Variants in PAQR8 observed in about 807,000 individuals in gnomAD.
PAQR8 encodes membrane progestin receptor beta.
PAQR8 carries 17 observed loss-of-function variants against 25.2 expected under a neutral mutation model. That is an observed-to-expected ratio of 0.67 (90% CI 0.46 to 1.01). The LOEUF is 1.01. Ranked by LOEUF, PAQR8 falls within the 50% of genes least tolerant of loss-of-function variation. The pLI is 0.00. For missense variants in PAQR8, 392 were observed against 448.4 expected (o/e 0.87, Z 1.14); for synonymous variants, 204 against 190.6 (o/e 1.07, Z -0.58).
intron 1 of PAQR8, among the ~76,000 whole-genome samples, chr6:52,401,759 C>T (rs1763832835): frequency 6.6e-6 from 1 of 152,096 alleles, no homozygotes; most frequent in Admixed American, 6.5e-5. Context: ...CAGTTGCTCA[C>T]CTCATATTTT....
intron 1 of PAQR8, among the ~76,000 whole-genome samples, chr6:52,381,008 A>C (rs536490125): frequency 5.3e-5 from 8 of 152,266 alleles, no homozygotes; most frequent in African/African-American, 1.9e-4. Flanking sequence ...ACTGAGCATA[A>C]ATCTCTACTT....
At position 52,407,383 on chromosome 6, in the gene PAQR8, C is replaced by G. The variant is rs965044801; in HGVS notation, c.*3105C>G. 6.0e-6 allele frequency: 1 copy of G among 167,024 alleles called. No homozygotes were observed. 10.3% of individuals were successfully genotyped at this position (167,024 alleles called of 1,614,324 possible). A position where few individuals can be genotyped will look rare whatever the true frequency, so the allele number is the denominator to read the frequency against. The stretch of plus-strand genomic sequence containing the variant: ...TGTAAGACTCTAGGGGTTCATTTCC[C>G]ATTTCAGCGGAAAGTACTTCACTCA... On this transcript the variant is annotated 3_prime_UTR_variant, in exon 2 of 2. Transcript: ENST00000442253.
intron 1 of PAQR8, among the ~76,000 whole-genome samples, chr6:52,384,492 C>T (rs1366549041): frequency 6.6e-6 from 1 of 151,752 alleles, no homozygotes. Context: ...TGCAATGGGT[C>T]ACTGAGAGAA....
At chr6:52,380,633 G>T (rs1272463562) in intron 1 of PAQR8, among the ~76,000 whole-genome samples, 2 of 152,192 alleles carry the variant, frequency 1.3e-5, no homozygotes, top group African/African-American at 4.8e-5. Flanking sequence ...CTTGGGAGCT[G>T]AGAAAACGTA....
chr6:52,370,815 ATGTG>A (rs150532565), intron 1 of PAQR8, among the ~76,000 whole-genome samples: 1 of 152,068 alleles, frequency 6.6e-6, no homozygotes, highest in African/African-American at 2.4e-5. Context: ...CTTCACATGT[ATGTG>A]TGTGTGTGTT....
At chr6:52,403,125 C>T in intron 1 of PAQR8, 37 bp from the exon 2 acceptor site, 1 of 1,095,378 alleles carries the variant, frequency 9.1e-7, no homozygotes, top group Non-Finnish European at 1.3e-6. Flanking sequence ...ATTCGTGTCT[C>T]ACTGCGGCTT....
intron 1 of PAQR8, among the ~76,000 whole-genome samples, chr6:52,371,393 CT>C (rs570437231): frequency 6.6e-6 from 1 of 152,056 alleles, no homozygotes; most frequent in African/African-American, 2.4e-5. Context: ...AATTGGAGCA[CT>C]TTTTTTCTCC....
chr6:52,371,108 A>G (rs1195402839), intron 1 of PAQR8, among the ~76,000 whole-genome samples: 1 of 152,212 alleles, frequency 6.6e-6, no homozygotes, highest in African/African-American at 2.4e-5. Context: ...CAGGAAATGT[A>G]TGATTTTAGG....
At chr6:52,386,710 T>C (rs1374047794) in intron 1 of PAQR8, among the ~76,000 whole-genome samples, 1 of 152,194 alleles carries the variant, frequency 6.6e-6, no homozygotes, top group Non-Finnish European at 1.5e-5. Context: ...AAACTACCTG[T>C]TGGGTACTAT....
chr6:52,368,777 C>T (rs1364236725), intron 1 of PAQR8, among the ~76,000 whole-genome samples: 2 of 151,924 alleles, frequency 1.3e-5, no homozygotes, highest in African/African-American at 4.8e-5. Flanking sequence ...TTTTTTTTAA[C>T]AGATGAAGAG....
At chr6:52,376,072 A>G (rs144262024) in intron 1 of PAQR8, among the ~76,000 whole-genome samples, 46 of 152,368 alleles carry the variant, frequency 3.0e-4, no homozygotes, top group African/African-American at 1.1e-3. Context: ...GAGATGGGAA[A>G]GCAAAAAACT....
intron 1 of PAQR8, among the ~76,000 whole-genome samples, chr6:52,379,916 C>A (rs999902586): frequency 6.6e-6 from 1 of 152,062 alleles, no homozygotes; most frequent in Non-Finnish European, 1.5e-5. Context: ...CGTGAGCCAC[C>A]GCACCTGGCC....
chr6:52,365,303 T>C (rs1581786798), intron 1 of PAQR8, among the ~76,000 whole-genome samples: 1 of 151,290 alleles, frequency 6.6e-6, no homozygotes, highest in Non-Finnish European at 1.5e-5. Context: ...ACTGAACATA[T>C]CCCTTTTTAA....
chr6:52,375,833 TA>T (rs1354081259), intron 1 of PAQR8, among the ~76,000 whole-genome samples: 1 of 152,244 alleles, frequency 6.6e-6, no homozygotes, highest in Non-Finnish European at 1.5e-5. Flanking sequence ...TGGGATGCTT[TA>T]AACACTGATG....
At chr6:52,370,802 C>T (rs1482753531) in intron 1 of PAQR8, among the ~76,000 whole-genome samples, 2 of 152,164 alleles carry the variant, frequency 1.3e-5, no homozygotes, top group Admixed American at 1.3e-4. Flanking sequence ...TCACTTGGCA[C>T]CACTTCACAT....
At chr6:52,366,038 C>T (rs1359524813) in intron 1 of PAQR8, among the ~76,000 whole-genome samples, 1 of 152,132 alleles carries the variant, frequency 6.6e-6, no homozygotes, top group Admixed American at 6.6e-5. Context: ...TAAACATTCC[C>T]TTCATTCCAA....
Position 52,403,162 on chromosome 6 carries a change from G to A in PAQR8, c.-52G>A. The A allele has an allele frequency of 6.7e-7, 1 of 1,494,312 alleles. No homozygotes were observed. The highest frequency in any genetic ancestry group is 9.0e-7 in the Non-Finnish European group (1 of 1,110,048). The allele number at this position is 1,494,312 out of a possible 1,614,324, so 92.6% of individuals were successfully genotyped here. A position where few individuals can be genotyped will look rare whatever the true frequency, so the allele number is the denominator to read the frequency against. On this transcript the variant is annotated splice_region_variant and 5_prime_UTR_variant, in exon 2 of 2. Transcript: ENST00000442253. Reference sequence around the variant, plus strand: ...GCCAATTTTCCTTTCTTTTCTGCAGGTTGCATACCCTGTCCTGAGGGCGCG... The same window carrying A: ...GCCAATTTTCCTTTCTTTTCTGCAGATTGCATACCCTGTCCTGAGGGCGCG...
chr6:52,379,657 C>T (rs1327650016), intron 1 of PAQR8, among the ~76,000 whole-genome samples: 7 of 114,702 alleles, frequency 6.1e-5, no homozygotes, highest in Admixed American at 4.8e-4. Flanking sequence ...GATGGAGTCT[C>T]GCTCTGTCCC....
At chr6:52,399,742 T>G (rs1277562044) in intron 1 of PAQR8, among the ~76,000 whole-genome samples, 1 of 152,184 alleles carries the variant, frequency 6.6e-6, no homozygotes, top group Non-Finnish European at 1.5e-5. Flanking sequence ...TAATTTCATC[T>G]GGTTTGCTCT....
Sources: allele counts gnomAD v4.1 joint callset (sites outside exome capture counted in the v4.1 genomes callset), GRCh38; gene constraint gnomAD v4.1.1; transcripts MANE v1.5; gene names NCBI Gene and HGNC (gene_info 2026-07-23, HGNC 2026-07-21).